Variants in CACNA1H observed in about 807,000 individuals in gnomAD.
CACNA1H encodes calcium voltage-gated channel subunit alpha1 H.
Under a neutral mutation model 192.5 loss-of-function variants are expected in CACNA1H, and 149 were observed. The ratio of observed to expected loss-of-function variants is 0.77; its 90% CI spans 0.68 to 0.89. The LOEUF (loss-of-function observed/expected upper bound fraction) is 0.89, where lower values mean the gene tolerates loss of function less well. Ranked by LOEUF, CACNA1H falls within the 40% of genes least tolerant of loss-of-function variation. CACNA1H has a pLI of 0.00. For synonymous variants in CACNA1H, 2,202 were observed against 1,475.2 expected (o/e 1.49, Z -11.29); for missense variants, 4,257 against 3,423.5 (o/e 1.24, Z -6.08).
Position 1,204,121 on chromosome 16 carries a change from G to A in CACNA1H, c.2114G>A (p.Arg705His), listed in dbSNP as rs200422681. Residue 705 changes from arginine to histidine, a missense_variant, in exon 10 of 35, where the codon CGT becomes CAT. By Grantham distance (29) the Arg-to-His change is conservative (BLOSUM62 0). Transcript: ENST00000348261. ...CTGAAGAGCTGCCCGTACTGCACCC[G>A]TGCCCTGGAGGACCCGGAGGGTGAG... ...CELKSCPYCT[R>H]ALEDPEGELS... 84 of 1,612,048 alleles carry A rather than the reference G, an allele frequency of 5.2e-5. No homozygotes were observed. The highest frequency in any genetic ancestry group is 7.7e-5 in the South Asian group (7 of 90,968).
chr16:1,212,972 C>T (rs900283207), intron 26 of CACNA1H, among the ~76,000 whole-genome samples: 8 of 152,236 alleles, frequency 5.3e-5, no homozygotes, highest in Non-Finnish European at 7.3e-5. Flanking sequence ...AGTCCCCACC[C>T]GTGTGTGGTT....
chr16:1,215,458 G>A (rs1969940176), intron 29 of CACNA1H, 65 bp from the exon 30 acceptor site: 2 of 1,581,988 alleles, frequency 1.3e-6, no homozygotes, highest in East Asian at 4.6e-5. Context: ...GGGCGGGGCG[G>A]CCAGGGTCCC....
chr16:1,188,928 C>T (rs1419587585), intron 2 of CACNA1H, among the ~76,000 whole-genome samples: 2 of 152,240 alleles, frequency 1.3e-5, no homozygotes, highest in Admixed American at 1.3e-4. Flanking sequence ...GTCCACACCT[C>T]CTGGCCCGCC....
Position 1,153,266 on chromosome 16 carries a change from G to A in CACNA1H, c.-223G>A, listed in dbSNP as rs1961815894. 6.9e-6 allele frequency: 1 copy of A among 145,092 alleles called. No individual in the cohort carries two copies. Among genetic ancestry groups the A allele is most frequent in the African/African-American group, 2.5e-5 (1 of 40,338 alleles). The allele number at this position is 145,092 out of a possible 1,614,324, so 9.0% of individuals were successfully genotyped here. A position where few individuals can be genotyped will look rare whatever the true frequency, so the allele number is the denominator to read the frequency against. On this transcript the variant is annotated 5_prime_UTR_variant, in exon 1 of 35. Coordinates refer to ENST00000348261, the MANE Select transcript of CACNA1H (RefSeq NM_021098.3). ...CGAGGCCGCCGCCGTCGCCTCCGCC[G>A]GGCGAGCCGGAGCCGGAGTCGAGCC...
Position 1,220,886 on chromosome 16 carries a change from A to G in CACNA1H, c.6954A>G (p.Pro2318=). ...SEPPMPVGDP[P]EKRRGLYLTV... ...CTCCCATGCCCGTCGGTGACCCCCC[A>G]GAGAAGAGGCGGGGGCTGTACCTCA... The change falls in exon 35 of 35, where the codon CCA becomes CCG. Residue 2318 remains proline, a synonymous_variant. Transcript: ENST00000348261. 3 of 1,612,374 alleles carry G rather than the reference A, an allele frequency of 1.9e-6. No homozygotes were observed. The highest frequency in any genetic ancestry group is 2.2e-5 in the East Asian group (1 of 44,862).
chr16:1,175,548 C>G (rs746331155), intron 2 of CACNA1H, among the ~76,000 whole-genome samples: 2 of 152,204 alleles, frequency 1.3e-5, no homozygotes, highest in Non-Finnish European at 2.9e-5. Context: ...TCTAGGTCCC[C>G]GTCTGCTCGC....
In CACNA1H at chr16:1,209,240, C is replaced by T; in HGVS notation, c.3572C>T (p.Thr1191Ile). The T allele has an allele frequency of 1.3e-6, 2 of 1,545,914 alleles. No homozygotes were observed. Among genetic ancestry groups the T allele is most frequent in the Non-Finnish European group, 1.7e-6 (2 of 1,147,936 alleles). ...AGGGCCGCGCCCGGGCCCCGTGCCA[C>T]CCCACTGCGGCGGGCCGAGTCCCTG... ...DGRAAPGPRATPLRRAESLDP... is the reference protein window; with the variant it reads ...DGRAAPGPRAIPLRRAESLDP... The change falls in exon 17 of 35, where the codon ACC (threonine) becomes ATC (isoleucine). Residue 1191 changes from threonine (T) to isoleucine (I), a missense_variant. Coordinates refer to ENST00000348261, the MANE Select transcript of CACNA1H (RefSeq NM_021098.3).
At chr16:1,155,633 G>A (rs547425599) in intron 2 of CACNA1H, among the ~76,000 whole-genome samples, 1 of 151,918 alleles carries the variant, frequency 6.6e-6, no homozygotes, top group Non-Finnish European at 1.5e-5. Flanking sequence ...CCCGGGCCTG[G>A]CTGCCCCATC....
chr16:1,153,508 C>A, intron 1 of CACNA1H, 38 bp downstream of exon 1: 1 of 274,278 alleles, frequency 3.6e-6, no homozygotes, highest in Admixed American at 5.7e-5. Flanking sequence ...GGACCCTCTT[C>A]AACTTGCGCG....
At chr16:1,154,418 G>A (rs1466349980) in intron 2 of CACNA1H, among the ~76,000 whole-genome samples, 1 of 152,146 alleles carries the variant, frequency 6.6e-6, no homozygotes, top group Non-Finnish European at 1.5e-5. Context: ...CTCACTGTCT[G>A]AAGGTCCTGC....
intron 2 of CACNA1H, among the ~76,000 whole-genome samples, chr16:1,166,856 G>C (rs1963838559): frequency 1.3e-5 from 2 of 152,206 alleles, no homozygotes; most frequent in Admixed American, 1.3e-4. Flanking sequence ...TTCACCCTTT[G>C]CTGCTGTTCA....
chr16:1,214,793 C>T (rs1479229853), intron 27 of CACNA1H, among the ~76,000 whole-genome samples, 179 bp from the exon 28 acceptor site: 1 of 152,144 alleles, frequency 6.6e-6, no homozygotes, highest in Non-Finnish European at 1.5e-5. Context: ...CGGAGCACTT[C>T]CTGTATGCTG....
rs564416520 is a variant in CACNA1H at position 1,218,703 on chromosome 16, G to A, written c.5887+52G>A. 2.3e-4 allele frequency: 267 copies of A among 1,181,596 alleles called. No individual in the cohort carries two copies. In the African/African-American group the frequency reaches 3.4e-3, roughly 15 times the overall value. The allele number at this position is 1,181,596 out of a possible 1,614,324, so 73.2% of individuals were successfully genotyped here. A position where few individuals can be genotyped will look rare whatever the true frequency, so the allele number is the denominator to read the frequency against. ...GCTGGGTGGGAAGCAGGACAGGGAG[G>A]AAGATGGGGGCAGGTGGGAGGGAGG... On this transcript the variant is annotated intron_variant, in intron 33 of 34. Transcript: ENST00000348261.
At chr16:1,179,044 A>C (rs1413388326) in intron 2 of CACNA1H, among the ~76,000 whole-genome samples, 1 of 152,132 alleles carries the variant, frequency 6.6e-6, no homozygotes, top group Non-Finnish European at 1.5e-5. Context: ...TTGGGTGGTG[A>C]ATGGGTGACC....
intron 11 of CACNA1H, 37 bp from the exon 12 acceptor site, chr16:1,206,067 C>A (rs558829488): frequency 3.3e-6 from 5 of 1,521,306 alleles, no homozygotes; most frequent in Non-Finnish European, 4.4e-6. Flanking sequence ...GGTCAGGGAT[C>A]GTGGCCCCGC....
rs561225268 is a variant in CACNA1H, at chr16:1,214,600, G to A, written c.4930-372G>A. Among the ~76,000 whole-genome samples the A allele has an allele frequency of 6.6e-5, 10 of 152,140 alleles. No homozygotes were observed. In the South Asian group the frequency reaches 1.9e-3, roughly 28 times the overall value. On this transcript the variant is annotated intron_variant, in intron 27 of 34. Coordinates refer to ENST00000348261, the MANE Select transcript of CACNA1H (RefSeq NM_021098.3). The stretch of plus-strand genomic sequence containing the variant: ...TGTGAGCCCATGTCCCCATGTCCCC[G>A]AGGTGCTCAAGTCAGTAGAAGACAG...
At chr16:1,154,972 C>G (rs1368155779) in intron 2 of CACNA1H, among the ~76,000 whole-genome samples, 1 of 152,192 alleles carries the variant, frequency 6.6e-6, no homozygotes, top group African/African-American at 2.4e-5. Context: ...CAGGCCGTGG[C>G]TTCTGCTCCG....
chr16:1,154,947 G>T (rs138977149), intron 2 of CACNA1H, among the ~76,000 whole-genome samples: 1 of 152,168 alleles, frequency 6.6e-6, no homozygotes. Flanking sequence ...CTTCTGAGCC[G>T]GCAGCTGGGG....
chr16:1,210,705 TCCCCAC>T lies in CACNA1H; in HGVS notation c.4038+63_4038+68del. 3.8e-6 allele frequency: 6 copies of T among 1,581,408 alleles called. No individual in the cohort carries two copies. In the South Asian group the frequency reaches 6.7e-5, roughly 18 times the overall value. On this transcript the variant is annotated intron_variant, in intron 20 of 34. Transcript: ENST00000348261. ...TTCCCAGGTCCCCGTTCTGCCCTCA[TCCCCAC>T]CCCCACCCAGCAGCGCGCCAGCTCC...
Sources: gnomAD v4.1 joint callset for allele counts (sites outside exome capture counted in the v4.1 genomes callset) on GRCh38, gnomAD v4.1.1 for gene constraint, MANE v1.5 for transcripts, NCBI Gene and HGNC (gene_info 2026-07-23, HGNC 2026-07-21) for gene names.